BUD23: variants seen among roughly 807,000 people sequenced by gnomAD.
The protein encoded by BUD23 is BUD23 rRNA methyltransferase and ribosome maturation factor.
BUD23 carries 34 observed loss-of-function variants against 47.0 expected under a neutral mutation model. The observed-to-expected ratio is 0.72, with a 90% CI of 0.55 to 0.96. The LOEUF is 0.96. BUD23 is among the 40% of genes least tolerant of loss of function. BUD23 has a pLI of 0.00. For missense variants in BUD23, 343 were observed against 361.2 expected (o/e 0.95, Z 0.41); for synonymous variants, 124 against 132.0 (o/e 0.94, Z 0.41).
chr7:73,697,642 AAG>A lies in BUD23; in HGVS notation c.742_743del (p.Arg249GlyfsTer20). The A allele has an allele frequency of 6.2e-7, 1 of 1,613,644 alleles. No homozygotes were observed. Among genetic ancestry groups the A allele is most frequent in the Non-Finnish European group, 8.5e-7 (1 of 1,179,938 alleles). On this transcript the variant is annotated frameshift_variant, in exon 11 of 12. Transcript: ENST00000265758. LOFTEE classifies it high-confidence loss of function. The stretch of plus-strand genomic sequence containing the variant: ...GATGTCGAGGCGGGGAATGGTGAGG[AAG>A]AGTCGGGCATGGGTGCTGGAGAAGA... The part of the protein sequence containing the change: ...LRMSRRGMVR[K>X]SRAWVLEKKE...
At chr7:73,696,458 A>G (rs1798405163) in intron 10 of BUD23, 1 of 152,178 alleles carries the variant, frequency 6.6e-6, no homozygotes, top group Admixed American at 6.5e-5. Context: ...CTAAAAGTAA[A>G]TGTGGGTAAG....
Position 73,697,858 on chromosome 7 carries a change from C to G in BUD23, c.818C>G (p.Thr273Ser), listed in dbSNP as rs1554615181. The change falls in exon 12 of 12, where the codon ACC (threonine) becomes AGC (serine). Residue 273 changes from threonine to serine, a missense_variant. By Grantham distance (58) the Thr-to-Ser change is moderately conservative. Transcript: ENST00000265758. ...GAAGTCAGACCTGACACCCAGTACACCGGCCGCAAGCGCAAGCCCCGCTTC... is the reference window on the plus strand; with the variant it reads ...GAAGTCAGACCTGACACCCAGTACAGCGGCCGCAAGCGCAAGCCCCGCTTC... The part of the protein sequence containing the change: ...GREVRPDTQY[T>S]GRKRKPRF The G allele has an allele frequency of 6.2e-7, 1 of 1,613,858 alleles. No individual in the cohort carries two copies. The highest frequency in any genetic ancestry group is 8.5e-7 in the Non-Finnish European group (1 of 1,179,950).
chr7:73,691,088 G>C, intron 6 of BUD23, 76 bp downstream of exon 6: 1 of 1,330,078 alleles, frequency 7.5e-7, no homozygotes, highest in Non-Finnish European at 1.1e-6. Flanking sequence ...TGAGGAAATT[G>C]AGGTGTCCCA....
chr7:73,688,472 C>T (rs1798065517), intron 5 of BUD23, among the ~76,000 whole-genome samples: 1 of 152,232 alleles, frequency 6.6e-6, no homozygotes, highest in Non-Finnish European at 1.5e-5. Flanking sequence ...CTTTTAGTCT[C>T]TAGCGGCCAT....
At chr7:73,692,926 G>A in intron 7 of BUD23, 1 of 552,434 alleles carries the variant, frequency 1.8e-6, no homozygotes, top group Non-Finnish European at 3.2e-6. Context: ...TTTAGGAAGG[G>A]TGAGAGGGCA....
intron 2 of BUD23, among the ~76,000 whole-genome samples, chr7:73,684,157 T>A (rs897722772): frequency 6.6e-5 from 10 of 152,252 alleles, no homozygotes; most frequent in Non-Finnish European, 1.3e-4. Context: ...ATGCTTATCG[T>A]GGCGCCTTGT....
chr7:73,686,826 C>G lies in BUD23; in HGVS notation c.191C>G (p.Thr64Ser). The change falls in exon 4 of 12, where the codon ACT (threonine) becomes AGT (serine). Residue 64 changes from threonine (T) to serine (S), a missense_variant. Thr to Ser is a moderately conservative substitution (Grantham distance 58, BLOSUM62 1). Coordinates refer to ENST00000265758, the MANE Select transcript of BUD23 (RefSeq NM_017528.5). ...PCYLLDIGCGTGLSGSYLSDE... is the reference protein window; with the variant it reads ...PCYLLDIGCGSGLSGSYLSDE... ...CTGGTCATGTCTTCCAGCTGTGGCA[C>G]TGGGCTGAGTGGAAGTTATCTGTCA... The G allele has an allele frequency of 6.2e-7, 1 of 1,614,170 alleles. No homozygotes were observed. The highest frequency in any genetic ancestry group is 8.5e-7 in the Non-Finnish European group (1 of 1,180,028).
In BUD23 at chr7:73,692,491, T is replaced by TA. The variant is rs1218553842; in HGVS notation, c.460-103dup. 5.6e-5 allele frequency: 63 copies of TA among 1,132,534 alleles called. No homozygotes were observed. In the African/African-American group the frequency reaches 7.6e-4, roughly 14 times the overall value. 70.2% of individuals were successfully genotyped at this position (1,132,534 alleles called of 1,614,324 possible). A position where few individuals can be genotyped will look rare whatever the true frequency, so the allele number is the denominator to read the frequency against. On this transcript the variant is annotated intron_variant, in intron 6 of 11. Coordinates refer to ENST00000265758, the MANE Select transcript of BUD23 (RefSeq NM_017528.5). ...CCCAGCCCTAACAATGCCTCACACATAATGGAAATTCAGGAAATACTTGGT... is the reference window on the plus strand; with the variant it reads ...CCCAGCCCTAACAATGCCTCACACATAAATGGAAATTCAGGAAATACTTGGT...
chr7:73,684,471 T>C (rs929218020), intron 2 of BUD23, among the ~76,000 whole-genome samples: 2 of 151,882 alleles, frequency 1.3e-5, no homozygotes, highest in African/African-American at 4.8e-5. Flanking sequence ...GGCTTTTTTT[T>C]GTAAATTTTT....
intron 5 of BUD23, among the ~76,000 whole-genome samples, chr7:73,687,818 G>A (rs1364809565): frequency 6.6e-6 from 1 of 151,982 alleles, no homozygotes; most frequent in African/African-American, 2.4e-5. Context: ...GCCCAAGAGT[G>A]TATTTTTTTG....
chr7:73,697,779 A>G, intron 11 of BUD23, 53 bp from the exon 12 acceptor site: 9 of 1,612,088 alleles, frequency 5.6e-6, no homozygotes, highest in Non-Finnish European at 7.6e-6. Context: ...TGAAGGGTCC[A>G]GGGCTGCTTT....
In BUD23 at chr7:73,691,024, ATCT is replaced by A. The variant is rs781842069; in HGVS notation, c.459+16_459+18del. 26 of 1,612,306 alleles carry A rather than the reference ATCT, an allele frequency of 1.6e-5. No individual in the cohort carries two copies. The highest frequency in any genetic ancestry group is 1.6e-4 in the Middle Eastern group (1 of 6,080). ...TTTTTTCTGTTCTCGTGAGTATAAG[ATCT>A]TCTCCCCATCTGGGTTAGCTGCCTG... On this transcript the variant is annotated intron_variant, in intron 6 of 11. Transcript: ENST00000265758.
Position 73,693,431 on chromosome 7 carries a change from G to T in BUD23, c.596+17G>T. 1 of 1,613,786 alleles carries T rather than the reference G, an allele frequency of 6.2e-7. No homozygotes were observed. The highest frequency in any genetic ancestry group is 8.5e-7 in the Non-Finnish European group (1 of 1,179,746). On this transcript the variant is annotated intron_variant, in intron 8 of 11. Coordinates refer to ENST00000265758, the MANE Select transcript of BUD23 (RefSeq NM_017528.5). ...AGCAAAGAAGTGAGCGCTGGGGGCC[G>T]GTGTGCTGCCTGGGCTGCAGGAGGG...
chr7:73,693,191 A>G (rs983459685), intron 7 of BUD23, 138 bp from the exon 8 acceptor site: 25 of 762,396 alleles, frequency 3.3e-5, no homozygotes, highest in South Asian at 6.4e-5. Context: ...ACTTTTCTCT[A>G]CGTGGCTTAC....
intron 10 of BUD23, 150 bp from the exon 11 acceptor site, chr7:73,697,455 T>C (rs570013039): frequency 1.0e-5 from 16 of 1,541,442 alleles, no homozygotes; most frequent in East Asian, 4.9e-5. Context: ...GAGCGGGGAA[T>C]TGTGTTATAG....
intron 2 of BUD23, chr7:73,684,061 C>T (rs1797841035): frequency 1.5e-6 from 2 of 1,308,638 alleles, no homozygotes; most frequent in Non-Finnish European, 2.0e-6. Context: ...GACAATTTGT[C>T]CTAAACATGT....
intron 5 of BUD23, among the ~76,000 whole-genome samples, chr7:73,689,692 C>T (rs1554613709): frequency 2.6e-5 from 4 of 152,076 alleles, no homozygotes; most frequent in East Asian, 1.9e-4. Flanking sequence ...AGAGATTCCA[C>T]GGAAGATGGG....
At chr7:73,695,289 CTCTT>C (rs1406176501) in intron 10 of BUD23, 1 of 148,864 alleles carries the variant, frequency 6.7e-6, no homozygotes, top group Non-Finnish European at 1.5e-5. Flanking sequence ...TGGAGTCTCA[CTCTT>C]TCCCCCCAGG....
intron 5 of BUD23, among the ~76,000 whole-genome samples, chr7:73,689,703 G>A (rs1798115507): frequency 6.6e-6 from 1 of 152,198 alleles, no homozygotes; most frequent in Admixed American, 6.5e-5. Context: ...GGAAGATGGG[G>A]TTGAGTGTGG....
Sources: gnomAD v4.1 joint callset for allele counts (sites outside exome capture counted in the v4.1 genomes callset) on GRCh38, gnomAD v4.1.1 for gene constraint, MANE v1.5 for transcripts, NCBI Gene and HGNC (gene_info 2026-07-23, HGNC 2026-07-21) for gene names.